ZC3H12B: variants seen among roughly 807,000 people sequenced by gnomAD.
ZC3H12B encodes zinc finger CCCH-type containing 12B.
In ZC3H12B, 7 loss-of-function variants were observed where a neutral mutation model predicts 43.9. The observed-to-expected ratio is 0.16, with a 90% CI of 0.09 to 0.30. ZC3H12B has a LOEUF of 0.30. Among genes scored for constraint, ZC3H12B ranks in the 10% least tolerant of loss-of-function variants. ZC3H12B has a pLI of 1.00. For synonymous variants in ZC3H12B, 222 were observed against 241.7 expected, an observed-to-expected ratio of 0.92 and a Z score of 0.76; for missense variants, 475 against 670.2, an observed-to-expected ratio of 0.71 and a Z score of 3.22.
rs184141025 is a variant in ZC3H12B at position 65,482,910 on chromosome X, A to G, written n.408-5736A>G. Among the ~76,000 whole-genome samples, 16 of 111,977 alleles carry G rather than the reference A, an allele frequency of 1.4e-4. No individual in the cohort carries two copies. In the East Asian group the frequency reaches 4.5e-3, roughly 31 times the overall value. ...AAAAATGAATGAGTAATGAAAATCA[A>G]CAGACTCTTACTTTTTTGTAAACAT... On this transcript the variant is annotated intron_variant and non_coding_transcript_variant, in intron 3 of 5. Transcript: ENST00000617377.
the ZC3H12B span, among the ~76,000 whole-genome samples, chrX:65,129,697 C>T: frequency 1.8e-5 from 2 of 111,119 alleles, no homozygotes; most frequent in South Asian, 3.8e-4. Context: ...ACATTCCTGT[C>T]TTCTTGTATT....
chrX:65,164,730 A>G, the ZC3H12B span, among the ~76,000 whole-genome samples: 2 of 111,876 alleles, frequency 1.8e-5, no homozygotes, highest in Non-Finnish European at 3.8e-5. Context: ...TTTCATCAAC[A>G]TCTATCATAA....
At chrX:65,479,620 G>T (rs759517074) in intron 3 of ZC3H12B, among the ~76,000 whole-genome samples, 2 of 111,273 alleles carry the variant, frequency 1.8e-5, no homozygotes, top group Non-Finnish European at 3.8e-5. Context: ...TGCCCGCCTC[G>T]GCCTCCCAAT....
the ZC3H12B span, among the ~76,000 whole-genome samples, chrX:65,123,890 G>C: frequency 9.1e-6 from 1 of 110,243 alleles, no homozygotes; most frequent in Non-Finnish European, 1.9e-5. Flanking sequence ...GAGCTTTTTG[G>C]ATGAGTCTTT....
the ZC3H12B span, among the ~76,000 whole-genome samples, chrX:65,311,615 A>G: frequency 7.2e-5 from 8 of 111,775 alleles, no homozygotes; most frequent in Non-Finnish European, 1.5e-4. Flanking sequence ...AACTAGAAAT[A>G]CCATTTGACC....
chrX:65,063,843 T>C, the ZC3H12B span, among the ~76,000 whole-genome samples: 2 of 112,053 alleles, frequency 1.8e-5, no homozygotes, highest in African/African-American at 6.5e-5. Context: ...GAACTTGTTA[T>C]TGTTCTACTC....
intron 3 of ZC3H12B, among the ~76,000 whole-genome samples, chrX:65,404,070 C>T (rs886627299): frequency 9.0e-6 from 1 of 111,443 alleles, no homozygotes; most frequent in Admixed American, 9.5e-5. Context: ...TAAATAGAAA[C>T]AAAAAAGTTA....
At chrX:65,300,125 A>C in the ZC3H12B span, among the ~76,000 whole-genome samples, 1 of 112,172 alleles carries the variant, frequency 8.9e-6, no homozygotes, top group East Asian at 2.8e-4. Flanking sequence ...CTTTGTAACA[A>C]TTTCAACTGA....
At chrX:65,184,282 G>A in the ZC3H12B span, among the ~76,000 whole-genome samples, 1 of 110,856 alleles carries the variant, frequency 9.0e-6, no homozygotes, top group Non-Finnish European at 1.9e-5. Flanking sequence ...CCTTTTGACA[G>A]AATAATGATT....
chrX:65,228,914 C>T, the ZC3H12B span, among the ~76,000 whole-genome samples: 11 of 112,041 alleles, frequency 9.8e-5, no homozygotes, highest in East Asian at 3.1e-3. Context: ...ACATTCCATG[C>T]TCATGGGTGG....
the ZC3H12B span, among the ~76,000 whole-genome samples, chrX:65,257,118 A>T: frequency 8.9e-6 from 1 of 112,272 alleles, no homozygotes; most frequent in Non-Finnish European, 1.9e-5. Flanking sequence ...TACCCAAAGG[A>T]TTATAAACCA....
the ZC3H12B span, among the ~76,000 whole-genome samples, chrX:65,266,702 A>T: frequency 9.0e-6 from 1 of 111,392 alleles, no homozygotes; most frequent in Non-Finnish European, 1.9e-5. Flanking sequence ...AGGGAGCACA[A>T]CAAACCCTAT....
chrX:65,415,654 C>A (rs1004114200), intron 3 of ZC3H12B, among the ~76,000 whole-genome samples: 4 of 111,855 alleles, frequency 3.6e-5, no homozygotes, highest in African/African-American at 6.5e-5. Flanking sequence ...ACTAGTTTTT[C>A]AGGTTAACAA....
chrX:65,128,801 C>A, the ZC3H12B span, among the ~76,000 whole-genome samples: 2 of 111,665 alleles, frequency 1.8e-5, no homozygotes, highest in African/African-American at 6.5e-5. Context: ...ATATAATTTT[C>A]TCCTTTGTCT....
chrX:65,416,007 T>G (rs1255106009), intron 3 of ZC3H12B, among the ~76,000 whole-genome samples: 2 of 112,210 alleles, frequency 1.8e-5, no homozygotes, highest in African/African-American at 6.5e-5. Flanking sequence ...TGATCCTTGA[T>G]GAAAATATTT....
At chrX:65,376,652 T>C (rs373978302) in intron 2 of ZC3H12B, among the ~76,000 whole-genome samples, 1 of 111,874 alleles carries the variant, frequency 8.9e-6, no homozygotes, top group East Asian at 2.8e-4. Context: ...TTCTTCCAGA[T>C]CTTATCCAAG....
chrX:65,351,721 C>G, the ZC3H12B span, among the ~76,000 whole-genome samples: 3 of 112,617 alleles, frequency 2.7e-5, no homozygotes, highest in African/African-American at 9.7e-5. Context: ...AAAAAATGCT[C>G]ATCATCACCG....
At chrX:65,343,862 A>G in the ZC3H12B span, among the ~76,000 whole-genome samples, 1 of 111,887 alleles carries the variant, frequency 8.9e-6, no homozygotes, top group Non-Finnish European at 1.9e-5. Context: ...GGACATCCAA[A>G]CAGGAAGAAA....
rs770193352 is a variant in ZC3H12B, at chrX:65,414,212, G to T, written n.407+15508G>T. Among the ~76,000 whole-genome samples the T allele has an allele frequency of 2.3e-3, 261 of 111,237 alleles. 2 individuals carry two copies. Among genetic ancestry groups the T allele is most frequent in the African/African-American group, 7.9e-3 (242 of 30,722 alleles). On this transcript the variant is annotated intron_variant and non_coding_transcript_variant, in intron 3 of 5. Transcript: ENST00000617377. Reference sequence around the variant, plus strand: ...TGTTGTCAGCAGGATTTGGAATCAGGATAATGCTGGCCTCATAGAATACAT... The same window carrying T: ...TGTTGTCAGCAGGATTTGGAATCAGTATAATGCTGGCCTCATAGAATACAT...
Sources: allele counts gnomAD v4.1 joint callset (sites outside exome capture counted in the v4.1 genomes callset), GRCh38; gene constraint gnomAD v4.1.1; transcripts MANE v1.5; gene names NCBI Gene and HGNC (gene_info 2026-07-23, HGNC 2026-07-21).